Variants in WWTR1 observed in about 807,000 individuals in gnomAD.
The protein encoded by WWTR1 is WW domain containing transcription regulator 1.
In WWTR1, 13 loss-of-function variants were observed where a neutral mutation model predicts 40.1. The ratio of observed to expected loss-of-function variants is 0.32; its 90% CI spans 0.21 to 0.52. WWTR1 has a LOEUF of 0.52. Ranked by LOEUF, WWTR1 falls within the 20% of genes least tolerant of loss-of-function variation. The pLI is 0.97. For synonymous variants in WWTR1, 230 were observed against 210.1 expected (o/e 1.09, Z -0.82); for missense variants, 436 against 523.1 (o/e 0.83, Z 1.63).
intron 2 of WWTR1, among the ~76,000 whole-genome samples, chr3:149,588,884 C>T (rs1235639696): frequency 2.0e-5 from 3 of 152,010 alleles, no homozygotes; most frequent in Admixed American, 1.3e-4. Flanking sequence ...TTGGAAAAGG[C>T]GCCACCATAA....
At chr3:149,699,370 C>T (rs562336917) in intron 1 of WWTR1, among the ~76,000 whole-genome samples, 84 of 151,450 alleles carry the variant, frequency 5.5e-4, no homozygotes, top group African/African-American at 2.0e-3. Context: ...CTTGGTTCAC[C>T]GCAACCTCTG....
At chr3:149,651,133 T>G (rs1712840975) in intron 2 of WWTR1, among the ~76,000 whole-genome samples, 1 of 152,236 alleles carries the variant, frequency 6.6e-6, no homozygotes, top group Non-Finnish European at 1.5e-5. Flanking sequence ...GACAGTATTT[T>G]TTGAATGACA....
chr3:149,670,116 G>A (rs1044167749), intron 1 of WWTR1, among the ~76,000 whole-genome samples: 3 of 152,200 alleles, frequency 2.0e-5, no homozygotes, highest in Non-Finnish European at 2.9e-5. Flanking sequence ...TCAACCCTTG[G>A]TAGACAAGAA....
intron 1 of WWTR1, among the ~76,000 whole-genome samples, chr3:149,684,735 T>G (rs1438968636): frequency 6.6e-6 from 1 of 152,110 alleles, no homozygotes; most frequent in Non-Finnish European, 1.5e-5. Context: ...AGCTAATTTT[T>G]GTATTTTTTG....
chr3:149,536,755 T>TAA (rs5853412), intron 4 of WWTR1, among the ~76,000 whole-genome samples: 3 of 142,348 alleles, frequency 2.1e-5, no homozygotes, highest in African/African-American at 7.6e-5. Flanking sequence ...ACCCCCAAAT[T>TAA]AAAAAAAAAA....
intron 2 of WWTR1, among the ~76,000 whole-genome samples, chr3:149,649,565 T>G (rs1712727642): frequency 6.6e-6 from 1 of 152,080 alleles, no homozygotes; most frequent in African/African-American, 2.4e-5. Context: ...GACGGAACAT[T>G]AAATAAAAGC....
At chr3:149,554,236 A>G (rs1736728491) in intron 3 of WWTR1, among the ~76,000 whole-genome samples, 1 of 152,138 alleles carries the variant, frequency 6.6e-6, no homozygotes, top group South Asian at 2.1e-4. Flanking sequence ...GCTCTGGAAT[A>G]TATGTTGATT....
At chr3:149,522,010 T>G (rs1271825340) in intron 6 of WWTR1, among the ~76,000 whole-genome samples, 1 of 152,210 alleles carries the variant, frequency 6.6e-6, no homozygotes, top group Non-Finnish European at 1.5e-5. Context: ...ATGTTCATTG[T>G]CCTGAGAGAA....
chr3:149,648,159 C>T (rs1355565769), intron 2 of WWTR1, among the ~76,000 whole-genome samples: 1 of 152,188 alleles, frequency 6.6e-6, no homozygotes, highest in Non-Finnish European at 1.5e-5. Context: ...ATTCATCTCC[C>T]TCTCCACTGC....
chr3:149,561,992 AT>A (rs1264351439), intron 3 of WWTR1, among the ~76,000 whole-genome samples: 2 of 152,196 alleles, frequency 1.3e-5, no homozygotes, highest in Non-Finnish European at 2.9e-5. Context: ...TCATCAAAAA[AT>A]ATTATAGAAA....
intron 2 of WWTR1, among the ~76,000 whole-genome samples, chr3:149,623,312 G>A (rs1215197396): frequency 6.6e-6 from 1 of 152,142 alleles, no homozygotes; most frequent in African/African-American, 2.4e-5. Context: ...GCAGTGAGCC[G>A]AGATTGTGCC....
Position 149,541,422 on chromosome 3 carries a change from T to C in WWTR1, c.771+913A>G, listed in dbSNP as rs576887133. ...GAATGAAAACTGAATGAATGGAGTA[T>C]GGTACAAAAGTGCCTGATTGATGCC... On this transcript the variant is annotated intron_variant, in intron 4 of 6. Coordinates refer to ENST00000360632, the MANE Select transcript of WWTR1 (RefSeq NM_015472.6). Among the ~76,000 whole-genome samples the C allele has an allele frequency of 1.8e-4, 28 of 152,308 alleles. No homozygotes were observed. In the South Asian group the frequency reaches 5.8e-3, roughly 32 times the overall value.
chr3:149,541,361 C>A (rs1489999842), intron 4 of WWTR1, among the ~76,000 whole-genome samples: 1 of 152,164 alleles, frequency 6.6e-6, no homozygotes, highest in African/African-American at 2.4e-5. Flanking sequence ...GAGCCTGACC[C>A]ACAGAGGGCA....
chr3:149,682,003 T>A (rs1246190935), intron 1 of WWTR1, among the ~76,000 whole-genome samples: 1 of 152,214 alleles, frequency 6.6e-6, no homozygotes, highest in East Asian at 1.9e-4. Context: ...TATTGCATAC[T>A]TAAAAATCTG....
chr3:149,568,563 A>C (rs999861049), intron 3 of WWTR1, among the ~76,000 whole-genome samples: 6 of 133,808 alleles, frequency 4.5e-5, no homozygotes, highest in African/African-American at 8.5e-5. Context: ...AAAAAAAACC[A>C]TATTTTTGCA....
chr3:149,648,779 A>G (rs1186565970), intron 2 of WWTR1, among the ~76,000 whole-genome samples: 1 of 152,136 alleles, frequency 6.6e-6, no homozygotes, highest in African/African-American at 2.4e-5. Context: ...ACACCTTACA[A>G]AGGCTTCCGG....
intron 4 of WWTR1, among the ~76,000 whole-genome samples, chr3:149,723,732 T>G (rs1250801205): frequency 1.3e-5 from 2 of 152,220 alleles, no homozygotes; most frequent in African/African-American, 2.4e-5. Flanking sequence ...GCCCTTTATA[T>G]TCCCTGAGAG....
At chr3:149,670,977 G>A (rs1714069095) in intron 1 of WWTR1, 1 of 152,122 alleles carries the variant, frequency 6.6e-6, no homozygotes, top group Non-Finnish European at 1.5e-5. Context: ...CAAGAGAATG[G>A]GGTCATGAGC....
chr3:149,622,112 T>C (rs575384168), intron 2 of WWTR1, among the ~76,000 whole-genome samples: 4 of 152,312 alleles, frequency 2.6e-5, no homozygotes, highest in African/African-American at 9.6e-5. Context: ...TAACTATTTT[T>C]TTATTATGAT....
Sources: gnomAD v4.1 joint callset for allele counts (sites outside exome capture counted in the v4.1 genomes callset) on GRCh38, gnomAD v4.1.1 for gene constraint, MANE v1.5 for transcripts, NCBI Gene and HGNC (gene_info 2026-07-23, HGNC 2026-07-21) for gene names.